Variants in NTM observed in about 807,000 individuals in gnomAD.
NTM encodes the protein IgLON family member 2.
Under a neutral mutation model 42.1 loss-of-function variants are expected in NTM, and 13 were observed. The observed-to-expected ratio is 0.31, with a 90% CI of 0.20 to 0.49. NTM has a LOEUF of 0.49. NTM is among the 20% of genes least tolerant of loss of function. The probability of loss-of-function intolerance (pLI) is 0.99; values close to 1 mark genes in which losing one functional copy is unlikely to be tolerated. For synonymous variants in NTM, 187 were observed against 179.2 expected, an observed-to-expected ratio of 1.04 and a Z score of -0.35; for missense variants, 373 against 452.8, an observed-to-expected ratio of 0.82 and a Z score of 1.60.
At chr11:131,973,506 C>T (rs927267530) in intron 2 of NTM, among the ~76,000 whole-genome samples, 5 of 152,176 alleles carry the variant, frequency 3.3e-5, no homozygotes, top group African/African-American at 1.2e-4. Context: ...CTTTGTTCTT[C>T]TCATCTTGTT....
At position 132,182,709 on chromosome 11, in the gene NTM, G is replaced by A. The variant is rs1240084136; in HGVS notation, c.401-29313G>A. Among the ~76,000 whole-genome samples the A allele has an allele frequency of 2.0e-5, 3 of 152,168 alleles. No homozygotes were observed. The East Asian group carries it at 5.8e-4, about 29-fold the overall frequency. ...ATTGCTGCCAGCATTATCTTTCCAA[G>A]CAAATCTGCTTCGAATCCTTGGATG... On this transcript the variant is annotated intron_variant, in intron 3 of 8. Coordinates refer to ENST00000683400, the MANE Select transcript of NTM (RefSeq NM_001352005.2).
intron 4 of NTM, among the ~76,000 whole-genome samples, chr11:132,301,723 G>C (rs2094867263): frequency 6.6e-6 from 1 of 152,194 alleles, no homozygotes; most frequent in South Asian, 2.1e-4. Context: ...TGCAGGACTG[G>C]AATGTCACTG....
At chr11:131,749,992 G>T (rs2082286796) in intron 1 of NTM, among the ~76,000 whole-genome samples, 1 of 152,194 alleles carries the variant, frequency 6.6e-6, no homozygotes, top group African/African-American at 2.4e-5. Flanking sequence ...CCTGGATGCA[G>T]CAGTTGCTCC....
At chr11:131,716,869 C>G (rs1295280938) in intron 1 of NTM, among the ~76,000 whole-genome samples, 1 of 152,036 alleles carries the variant, frequency 6.6e-6, no homozygotes, top group Admixed American at 6.6e-5. Flanking sequence ...GAAATGGAGT[C>G]TCATTATGTC....
intron 1 of NTM, among the ~76,000 whole-genome samples, chr11:131,373,595 G>A (rs1053096354): frequency 7.2e-5 from 11 of 151,856 alleles, no homozygotes; most frequent in Non-Finnish European, 1.0e-4. Flanking sequence ...GAGGCATCTC[G>A]TTGCCGGGAG....
chr11:131,884,356 C>T (rs1221663000), intron 1 of NTM, among the ~76,000 whole-genome samples: 1 of 151,950 alleles, frequency 6.6e-6, no homozygotes, highest in South Asian at 2.1e-4. Flanking sequence ...TTGCAGTGAG[C>T]AGAGATCGCG....
intron 2 of NTM, among the ~76,000 whole-genome samples, chr11:132,130,288 C>T (rs2066584291): frequency 6.6e-6 from 1 of 151,788 alleles, no homozygotes; most frequent in South Asian, 2.1e-4. Flanking sequence ...TAGGGAGATG[C>T]AAGGAGATAC....
chr11:131,721,375 C>G (rs901674935), intron 1 of NTM, among the ~76,000 whole-genome samples: 6 of 152,154 alleles, frequency 3.9e-5, no homozygotes, highest in Non-Finnish European at 7.4e-5. Context: ...AGTTACCAAA[C>G]CATTCAGAGT....
At chr11:131,566,286 C>T (rs2056874553) in intron 1 of NTM, among the ~76,000 whole-genome samples, 1 of 152,178 alleles carries the variant, frequency 6.6e-6, no homozygotes, top group Non-Finnish European at 1.5e-5. Context: ...TCTGTTCTTG[C>T]TCGCCAGTAA....
chr11:131,469,895 G>T (rs2136170288), intron 1 of NTM, among the ~76,000 whole-genome samples: 1 of 152,286 alleles, frequency 6.6e-6, no homozygotes, highest in Non-Finnish European at 1.5e-5. Flanking sequence ...ATAGCATGAG[G>T]GGATTCAATG....
At chr11:132,138,145 T>G (rs907337747) in intron 2 of NTM, among the ~76,000 whole-genome samples, 2 of 152,066 alleles carry the variant, frequency 1.3e-5, no homozygotes, top group African/African-American at 4.8e-5. Flanking sequence ...CAAATTGCCC[T>G]GAAAGCAAGC....
intron 1 of NTM, chr11:131,605,772 T>C: frequency 1.0e-6 from 1 of 983,596 alleles, no homozygotes. Context: ...TAAATAAAGG[T>C]GCCCTATTCA....
At chr11:132,301,854 A>C (rs1005869274) in intron 4 of NTM, among the ~76,000 whole-genome samples, 1 of 152,242 alleles carries the variant, frequency 6.6e-6, no homozygotes, top group Admixed American at 6.5e-5. Context: ...CAGCTGGTAT[A>C]TATGCCATAA....
At chr11:131,882,948 G>A (rs146716192) in intron 1 of NTM, among the ~76,000 whole-genome samples, 80 of 152,228 alleles carry the variant, frequency 5.3e-4, no homozygotes, top group Non-Finnish European at 1.1e-3. Flanking sequence ...TGAATGGGTT[G>A]AGGAGAAAGA....
intron 4 of NTM, among the ~76,000 whole-genome samples, chr11:132,223,835 G>C (rs117789574): frequency 0.014 from 2,198 of 152,298 alleles, 23 homozygotes; most frequent in Non-Finnish European, 0.024. Context: ...GGCGGGGGTA[G>C]CTTATGGCTA....
rs780077709 is a variant in NTM, at chr11:132,335,188, A to C, written c.*42A>C. 3.7e-6 allele frequency: 6 copies of C among 1,606,468 alleles called. No individual in the cohort carries two copies. Among genetic ancestry groups the C allele is most frequent in the Admixed American group, 1.7e-5 (1 of 59,932 alleles). ...CCACCCGGGAAAGGCTGCCGCCACC[A>C]CCACCACCAACACAACAGCAATGGC... On this transcript the variant is annotated 3_prime_UTR_variant, in exon 9 of 9. Transcript: ENST00000683400.
intron 1 of NTM, among the ~76,000 whole-genome samples, chr11:131,391,643 G>A (rs71483663): frequency 0.044 from 3,458 of 78,478 alleles, 91 homozygotes; most frequent in Admixed American, 0.065. Flanking sequence ...CTTTTATCTG[G>A]GAAAAAAAAA....
chr11:131,612,837 A>G (rs180737753), intron 1 of NTM, among the ~76,000 whole-genome samples: 152 of 152,304 alleles, frequency 1.0e-3, no homozygotes, highest in Non-Finnish European at 1.9e-3. Flanking sequence ...GAACAGCAGG[A>G]AGCCTGTCCC....
intron 1 of NTM, among the ~76,000 whole-genome samples, chr11:131,509,785 C>T (rs1027007216): frequency 1.3e-5 from 2 of 152,154 alleles, no homozygotes; most frequent in African/African-American, 4.8e-5. Flanking sequence ...GAAAATAGAG[C>T]TCAAAGAGGT....
Sources: gnomAD v4.1 joint callset for allele counts (sites outside exome capture counted in the v4.1 genomes callset) on GRCh38, gnomAD v4.1.1 for gene constraint, MANE v1.5 for transcripts, NCBI Gene and HGNC (gene_info 2026-07-23, HGNC 2026-07-21) for gene names.